The following MOG variants were observed in gnomAD, a reference collection of about 807,000 sequenced individuals.
MOG encodes the protein myelin oligodendrocyte glycoprotein.
A neutral mutation model predicts 35.9 loss-of-function variants in MOG; 20 were observed. That is an observed-to-expected ratio of 0.56 (90% CI 0.39 to 0.81). The LOEUF (loss-of-function observed/expected upper bound fraction) is 0.81. Among genes scored for constraint, MOG ranks in the 30% least tolerant of loss-of-function variants. The pLI is 0.00. For synonymous variants in MOG, 92 were observed against 114.3 expected, an observed-to-expected ratio of 0.80 and a Z score of 1.25; for missense variants, 251 against 301.0, an observed-to-expected ratio of 0.83 and a Z score of 1.23.
At position 29,667,917 on chromosome 6, in the gene MOG, G is replaced by A. The variant is rs1328675914; in HGVS notation, c.585G>A (p.Arg195=). Residue 195 remains arginine (R), a synonymous_variant, in exon 5 of 8, where the codon CGG becomes CGA. Coordinates refer to ENST00000376917, the MANE Select transcript of MOG (RefSeq NM_206809.4). ...TTTCTCTTTCAGAGAATCTCCACCG[G>A]ACTTTTGGTAAGTTCCGGCATGTCT... ...KLRAEIENLH[R]TFDPHFLRVP... The A allele has an allele frequency of 1.9e-6, 3 of 1,613,210 alleles. No individual in the cohort carries two copies. The African/African-American group carries it at 4.0e-5, about 22-fold the overall frequency.
chr6:29,660,279 T>G (rs1281245127), intron 2 of MOG, among the ~76,000 whole-genome samples: 1 of 149,632 alleles, frequency 6.7e-6, no homozygotes, highest in African/African-American at 2.5e-5. Flanking sequence ...CCCAGCACTG[T>G]GGGAGGCCGA....
chr6:29,666,652 G>A (rs1010371305), intron 3 of MOG, among the ~76,000 whole-genome samples: 1 of 152,166 alleles, frequency 6.6e-6, no homozygotes, highest in Non-Finnish European at 1.5e-5. Context: ...AGTCAGACAG[G>A]TCTAGGCTAT....
chr6:29,660,707 C>CT (rs9278230), intron 2 of MOG, among the ~76,000 whole-genome samples: 32 of 141,286 alleles, frequency 2.3e-4, no homozygotes, highest in African/African-American at 5.9e-4. Flanking sequence ...TGCAGAATTT[C>CT]TTTTTTTTTT....
At position 29,659,513 on chromosome 6, in the gene MOG, C is replaced by G. The variant is rs373694131; in HGVS notation, c.283C>G (p.Arg95Gly). The G allele has an allele frequency of 1.5e-5, 25 of 1,612,974 alleles. No homozygotes were observed. In the East Asian group the frequency reaches 4.9e-4, roughly 32 times the overall value. The change falls in exon 2 of 8, where the codon CGG (arginine) becomes GGG (glycine). Residue 95 changes from arginine to glycine, a missense_variant. By Grantham distance (125) the Arg-to-Gly change is moderately radical (BLOSUM62 -2). Coordinates refer to ENST00000376917, the MANE Select transcript of MOG (RefSeq NM_206809.4). ...DQDGDQAPEY[R>G]GRTELLKDAI... is the part of the protein sequence containing the mutation. Reference sequence around the variant, plus strand: ...AGATGGAGACCAGGCACCTGAATATCGGGGCCGGACAGAGCTGCTGAAAGA... The same window carrying G: ...AGATGGAGACCAGGCACCTGAATATGGGGGCCGGACAGAGCTGCTGAAAGA...
At chr6:29,666,705 C>T (rs1396598423) in intron 3 of MOG, among the ~76,000 whole-genome samples, 1 of 152,182 alleles carries the variant, frequency 6.6e-6, no homozygotes, top group Non-Finnish European at 1.5e-5. Flanking sequence ...GTCTCTACCA[C>T]ACAGTAGGCG....
chr6:29,670,222 G>T lies in MOG; in HGVS notation c.593-59G>T. ...CAGGTTAAGGAACCAAAAAAGACAG[G>T]TGGGTGGGGCATGAGGGGGAACACA... On this transcript the variant is annotated intron_variant, in intron 5 of 7. Coordinates refer to ENST00000376917, the MANE Select transcript of MOG (RefSeq NM_206809.4). The surrounding 1 kb of genome is among the most constrained non-coding windows in gnomAD (Gnocchi z 4.2). The T allele has an allele frequency of 1.2e-6, 2 of 1,614,210 alleles. No individual in the cohort carries two copies. Among genetic ancestry groups the T allele is most frequent in the Non-Finnish European group, 1.7e-6 (2 of 1,180,042 alleles).
intron 2 of MOG, among the ~76,000 whole-genome samples, 186 bp from the exon 3 acceptor site, chr6:29,665,966 G>T (rs1452146026): frequency 6.6e-6 from 1 of 150,478 alleles, no homozygotes. Context: ...TAAATCACTA[G>T]CATTTCCTGG....
chr6:29,662,051 G>C lies in MOG; in HGVS notation c.436+2385G>C, dbSNP rs759389813. 74 of 985,252 alleles carry C rather than the reference G, an allele frequency of 7.5e-5. No homozygotes were observed. Among genetic ancestry groups the C allele is most frequent in the Non-Finnish European group, 8.7e-5 (72 of 829,918 alleles). The allele number at this position is 985,252 out of a possible 1,614,324, so 61.0% of individuals were successfully genotyped here. On this transcript the variant is annotated intron_variant, in intron 2 of 7. Coordinates refer to ENST00000376917, the MANE Select transcript of MOG (RefSeq NM_206809.4). The surrounding 1 kb of genome is among the most constrained non-coding windows in gnomAD (Gnocchi z 4.2). ...AATGAGATGAAGTAATGGTATTATT[G>C]CAAGTCTCAGGTGTAACTACCTCTG...
rs1031048677 is a variant in MOG, at chr6:29,669,968, A to G, written c.593-313A>G. Reference sequence around the variant, plus strand: ...ACATTTTTAGTAGAGATGGGGTTTCACCATGTTGGCCTGGCTGGTCTTGAA... The same window carrying G: ...ACATTTTTAGTAGAGATGGGGTTTCGCCATGTTGGCCTGGCTGGTCTTGAA... On this transcript the variant is annotated intron_variant, in intron 5 of 7. Transcript: ENST00000376917. 4 of 639,410 alleles carry G rather than the reference A, an allele frequency of 6.3e-6. No homozygotes were observed. In the Admixed American group the frequency reaches 1.0e-4, roughly 16 times the overall value. 39.6% of individuals were successfully genotyped at this position (639,410 alleles called of 1,614,324 possible).
At chr6:29,663,797 T>A (rs932185195) in intron 2 of MOG, among the ~76,000 whole-genome samples, 3 of 152,138 alleles carry the variant, frequency 2.0e-5, no homozygotes, top group Admixed American at 6.5e-5. Context: ...TAACTTCCAT[T>A]AAGAACTTGA....
chr6:29,670,971 C>G lies in MOG; in HGVS notation c.731-201C>G, dbSNP rs749032885. 53 of 1,612,200 alleles carry G rather than the reference C, an allele frequency of 3.3e-5. No homozygotes were observed. The South Asian group carries it at 5.7e-4, about 17-fold the overall frequency. On this transcript the variant is annotated intron_variant, in intron 7 of 7. Coordinates refer to ENST00000376917, the MANE Select transcript of MOG (RefSeq NM_206809.4). This position sits in a 1 kb window ranked among gnomAD's most constrained non-coding sequence, Gnocchi z 4.2. ...TGCCACCTGATCCATTCCTCCTTCACTGCCCCTAAGCAGGAATCCAACCCT... is the reference window on the plus strand; with the variant it reads ...TGCCACCTGATCCATTCCTCCTTCAGTGCCCCTAAGCAGGAATCCAACCCT...
At chr6:29,657,346 G>A (rs963384202) in intron 1 of MOG, 49 bp downstream of exon 1, 1 of 1,410,790 alleles carries the variant, frequency 7.1e-7, no homozygotes, top group African/African-American at 1.4e-5. Flanking sequence ...AAAACAGAAA[G>A]GCTAGTTTCC....
Position 29,670,902 on chromosome 6 carries a change from G to A in MOG, c.730+181G>A. The A allele has an allele frequency of 1.2e-6, 2 of 1,603,710 alleles. No individual in the cohort carries two copies. The highest frequency in any genetic ancestry group is 1.7e-6 in the Non-Finnish European group (2 of 1,175,336). On this transcript the variant is annotated intron_variant, in intron 7 of 7. Transcript: ENST00000376917. The surrounding 1 kb of genome is among the most constrained non-coding windows in gnomAD (Gnocchi z 4.2). ...TAGAGGGCAAAGAAGCCAGCTGTTAGAGACACATTTACAGGTGGCAGAGAA... is the reference window on the plus strand; with the variant it reads ...TAGAGGGCAAAGAAGCCAGCTGTTAAAGACACATTTACAGGTGGCAGAGAA...
chr6:29,658,263 G>A (rs1429189524), intron 1 of MOG, among the ~76,000 whole-genome samples: 7 of 152,196 alleles, frequency 4.6e-5, no homozygotes, highest in Non-Finnish European at 1.0e-4. Context: ...CCATCCTCAG[G>A]GAGCCACCTG....
intron 2 of MOG, chr6:29,661,442 T>A (rs753613523): frequency 1.0e-6 from 1 of 985,266 alleles, no homozygotes; most frequent in Non-Finnish European, 1.2e-6. Context: ...CTCTCCAGTT[T>A]GCAGATTTTT....
At chr6:29,663,134 G>A (rs562926857) in intron 2 of MOG, among the ~76,000 whole-genome samples, 2 of 151,908 alleles carry the variant, frequency 1.3e-5, no homozygotes, top group Non-Finnish European at 2.9e-5. Context: ...TTAGCCTGGC[G>A]TGGTGGCAGG....
chr6:29,670,791 G>A lies in MOG; in HGVS notation c.730+70G>A. 6.3e-7 allele frequency: 1 copy of A among 1,597,786 alleles called. No individual in the cohort carries two copies. Among genetic ancestry groups the A allele is most frequent in the Non-Finnish European group, 8.5e-7 (1 of 1,171,612 alleles). On this transcript the variant is annotated intron_variant, in intron 7 of 7. Transcript: ENST00000376917. The surrounding 1 kb of genome is among the most constrained non-coding windows in gnomAD (Gnocchi z 4.2). ...GAAAGGGAGACAGAAGCAACAAGAG[G>A]AAGAGGCGGGCTATTGAGGGATCAC...
chr6:29,668,391 C>A (rs1562204018), intron 5 of MOG, among the ~76,000 whole-genome samples: 1 of 152,166 alleles, frequency 6.6e-6, no homozygotes, highest in African/African-American at 2.4e-5. Context: ...GAAAAGCCAC[C>A]AAGCCCCACT....
chr6:29,659,653 A>C lies in MOG; in HGVS notation c.423A>C (p.Glu141Asp). 6.2e-7 allele frequency: 1 copy of C among 1,613,038 alleles called. No individual in the cohort carries two copies. The highest frequency in any genetic ancestry group is 8.5e-7 in the Non-Finnish European group (1 of 1,179,944). ...DHSYQEEAAM[E>D]LKVEDPFYWV... is the part of the protein sequence containing the mutation. ...CTTACCAAGAGGAGGCAGCAATGGA[A>C]TTGAAAGTAGAAGGTGAGTAGTGCC... The change falls in exon 2 of 8, where the codon GAA (glutamate) becomes GAC (aspartate). Residue 141 changes from glutamate to aspartate, a missense_variant. Physicochemically the swap from Glu to Asp is conservative, Grantham distance 45. Transcript: ENST00000376917.
Sources: allele counts gnomAD v4.1 joint callset (sites outside exome capture counted in the v4.1 genomes callset), GRCh38; gene constraint gnomAD v4.1.1; non-coding constraint Gnocchi (gnomAD v3.1); transcripts MANE v1.5; gene names NCBI Gene and HGNC (gene_info 2026-07-23, HGNC 2026-07-21).